SPAG16: variants seen among roughly 807,000 people sequenced by gnomAD.
The protein encoded by SPAG16 is sperm associated antigen 16, also known as sperm-associated antigen 16 protein.
A neutral mutation model predicts 80.4 loss-of-function variants in SPAG16; 86 were observed. That is an observed-to-expected ratio of 1.07 (90% CI 0.90 to 1.28). SPAG16 has a LOEUF of 1.28. Ranked by LOEUF, SPAG16 falls within the 50% of genes most tolerant of loss-of-function variation. The pLI, the probability that SPAG16 is intolerant of heterozygous loss-of-function variation, is 0.00. For missense variants in SPAG16, 870 were observed against 765.3 expected (o/e 1.14, Z -1.61); for synonymous variants, 294 against 265.9 (o/e 1.11, Z -1.03).
intron 9 of SPAG16, among the ~76,000 whole-genome samples, chr2:213,482,963 AAATG>A (rs904351371): frequency 1.1e-4 from 16 of 152,208 alleles, no homozygotes; most frequent in Admixed American, 3.3e-4. Flanking sequence ...GAATATGCAG[AAATG>A]AATGAATACA....
At position 213,929,988 on chromosome 2, in the gene SPAG16, GACAC is replaced by G; in HGVS notation, c.1244_1247del (p.Asp415ValfsTer15). The G allele has an allele frequency of 6.2e-7, 1 of 1,612,628 alleles. No individual in the cohort carries two copies. Among genetic ancestry groups the G allele is most frequent in the Non-Finnish European group, 8.5e-7 (1 of 1,179,454 alleles). On this transcript the variant is annotated frameshift_variant, in exon 12 of 16. Transcript: ENST00000331683. LOFTEE classifies it high-confidence loss of function. Reference sequence around the variant, plus strand: ...CGACAAATTGGCTACTTCAAGTGGTGACACTACAGTTAAATTATGGGATCTATGT... The same window carrying G: ...CGACAAATTGGCTACTTCAAGTGGTGTACAGTTAAATTATGGGATCTATGT...
chr2:213,754,806 A>G (rs1380521923), intron 10 of SPAG16, among the ~76,000 whole-genome samples: 1 of 152,202 alleles, frequency 6.6e-6, no homozygotes, highest in African/African-American at 2.4e-5. Flanking sequence ...ATTTAACTGT[A>G]GAGGCCTTAA....
intron 15 of SPAG16, among the ~76,000 whole-genome samples, chr2:214,379,755 A>T (rs757660665): frequency 1.3e-5 from 2 of 152,246 alleles, no homozygotes; most frequent in Non-Finnish European, 2.9e-5. Flanking sequence ...CACATTGATC[A>T]TCAGAATTGA....
intron 10 of SPAG16, among the ~76,000 whole-genome samples, chr2:213,530,121 T>G (rs2076020409): frequency 6.6e-6 from 1 of 152,230 alleles, no homozygotes; most frequent in African/African-American, 2.4e-5. Flanking sequence ...TTAGGCTGTT[T>G]TAGAGTTAAC....
At chr2:213,332,421 A>G (rs2064150320) in intron 5 of SPAG16, among the ~76,000 whole-genome samples, 1 of 152,210 alleles carries the variant, frequency 6.6e-6, no homozygotes, top group Non-Finnish European at 1.5e-5. Flanking sequence ...AGAAAATAAC[A>G]GGACCTGATG....
chr2:214,127,242 T>G (rs1469467991), intron 14 of SPAG16, among the ~76,000 whole-genome samples: 1 of 151,788 alleles, frequency 6.6e-6, no homozygotes, highest in East Asian at 1.9e-4. Flanking sequence ...TTAATGAAAT[T>G]AAGTGTCTGC....
At chr2:213,442,249 A>G (rs950099676) in intron 9 of SPAG16, among the ~76,000 whole-genome samples, 14 of 152,246 alleles carry the variant, frequency 9.2e-5, no homozygotes, top group African/African-American at 3.4e-4. Flanking sequence ...GATCTGTATG[A>G]GAAACTCTGA....
At chr2:213,743,935 G>A (rs972525165) in intron 10 of SPAG16, among the ~76,000 whole-genome samples, 16 of 152,094 alleles carry the variant, frequency 1.1e-4, no homozygotes, top group African/African-American at 3.4e-4. Flanking sequence ...CTCTGCTTCT[G>A]CTGATTCTTA....
chr2:213,654,738 G>A (rs2063158086), intron 10 of SPAG16, among the ~76,000 whole-genome samples: 2 of 150,870 alleles, frequency 1.3e-5, no homozygotes, highest in African/African-American at 2.4e-5. Context: ...TAAAGAAGAA[G>A]TTTCAATGTA....
At chr2:213,937,228 G>A (rs1315383984) in intron 12 of SPAG16, among the ~76,000 whole-genome samples, 1 of 151,990 alleles carries the variant, frequency 6.6e-6, no homozygotes, top group Non-Finnish European at 1.5e-5. Flanking sequence ...AGCAAAGGAG[G>A]ATATATTGTA....
At chr2:213,710,417 A>G (rs921169304) in intron 10 of SPAG16, among the ~76,000 whole-genome samples, 21 of 152,218 alleles carry the variant, frequency 1.4e-4, no homozygotes, top group Non-Finnish European at 2.4e-4. Flanking sequence ...AGGTATCTTA[A>G]GTCTCTGGAA....
intron 13 of SPAG16, among the ~76,000 whole-genome samples, chr2:214,039,600 A>G (rs2048897764): frequency 6.6e-6 from 1 of 152,228 alleles, no homozygotes; most frequent in Non-Finnish European, 1.5e-5. Flanking sequence ...CAACAAATTT[A>G]CAAGAAATTC....
At chr2:214,374,965 G>A (rs1444527518) in intron 15 of SPAG16, among the ~76,000 whole-genome samples, 1 of 152,096 alleles carries the variant, frequency 6.6e-6, no homozygotes, top group African/African-American at 2.4e-5. Flanking sequence ...TTAGTATCTT[G>A]TAGAAAGATC....
chr2:213,836,169 A>G (rs1344060158), intron 10 of SPAG16, among the ~76,000 whole-genome samples: 5 of 108,550 alleles, frequency 4.6e-5, no homozygotes, highest in Admixed American at 3.1e-4. Context: ...AGGAATTTTC[A>G]TTATTCGCCC....
At chr2:213,829,983 C>T (rs1209103467) in intron 10 of SPAG16, among the ~76,000 whole-genome samples, 3 of 152,072 alleles carry the variant, frequency 2.0e-5, no homozygotes, top group Non-Finnish European at 4.4e-5. Flanking sequence ...GGAGGGGTGG[C>T]ACAAGGACTC....
intron 10 of SPAG16, among the ~76,000 whole-genome samples, chr2:213,808,455 G>C (rs1264341170): frequency 6.6e-6 from 1 of 152,140 alleles, no homozygotes; most frequent in East Asian, 1.9e-4. Flanking sequence ...CGGGGGTATA[G>C]GAGGATGAGC....
intron 11 of SPAG16, among the ~76,000 whole-genome samples, chr2:213,921,684 A>T (rs1234640809): frequency 2.0e-5 from 3 of 152,038 alleles, no homozygotes; most frequent in Non-Finnish European, 4.4e-5. Context: ...TTTCTTTTTC[A>T]CATTTAGCAC....
intron 10 of SPAG16, among the ~76,000 whole-genome samples, chr2:213,825,701 C>CTTTTTTTTTTTTTTTTTTTTT (rs55777958): frequency 1.2e-3 from 129 of 109,762 alleles, no homozygotes; most frequent in African/African-American, 2.0e-3. Context: ...TTCTTTCTTT[C>CTTTTTTTTTTTTTTTTTTTTT]TTTTTTTTTT....
intron 10 of SPAG16, among the ~76,000 whole-genome samples, chr2:213,849,369 T>A (rs2105903085): frequency 6.6e-6 from 1 of 152,194 alleles, no homozygotes; most frequent in African/African-American, 2.4e-5. Context: ...ACCACCAAAC[T>A]GGGGATAAAA....
Sources: gnomAD v4.1 joint callset for allele counts (sites outside exome capture counted in the v4.1 genomes callset) on GRCh38, gnomAD v4.1.1 for gene constraint, MANE v1.5 for transcripts, NCBI Gene and HGNC (gene_info 2026-07-23, HGNC 2026-07-21) for gene names.